MCM9: variants seen among roughly 807,000 people sequenced by gnomAD.
MCM9 encodes minichromosome maintenance 9 homologous recombination repair factor, also known as DNA helicase MCM9.
A neutral mutation model predicts 72.8 loss-of-function variants in MCM9; 55 were observed. The observed-to-expected ratio is 0.76, with a 90% CI of 0.61 to 0.95. The LOEUF (loss-of-function observed/expected upper bound fraction) is 0.95, where lower values mean the gene tolerates loss of function less well. MCM9 is among the 40% of genes least tolerant of loss of function. MCM9 has a pLI of 0.00. For synonymous variants in MCM9, 480 were observed against 503.4 expected, an observed-to-expected ratio of 0.95 and a Z score of 0.62; for missense variants, 1,279 against 1,377.0, an observed-to-expected ratio of 0.93 and a Z score of 1.13.
intron 5 of MCM9, chr6:118,919,464 C>T (rs150884995): frequency 2.0e-5 from 3 of 152,284 alleles, no homozygotes; most frequent in Admixed American, 2.0e-4. Flanking sequence ...AATGCAGTAT[C>T]TAGAAGACGG....
intron 8 of MCM9, among the ~76,000 whole-genome samples, chr6:118,866,524 G>A (rs1777226979): frequency 6.6e-6 from 1 of 152,128 alleles, no homozygotes; most frequent in Non-Finnish European, 1.5e-5. Flanking sequence ...TCATATATCT[G>A]AAGAGTACTA....
intron 3 of MCM9, among the ~76,000 whole-genome samples, chr6:118,925,572 A>G (rs1479801918): frequency 6.6e-6 from 1 of 152,198 alleles, no homozygotes; most frequent in East Asian, 1.9e-4. Context: ...GGTTGGCTGA[A>G]ATTCTCTCTC....
At chr6:118,922,967 G>C (rs1038345221) in intron 4 of MCM9, among the ~76,000 whole-genome samples, 1 of 149,142 alleles carries the variant, frequency 6.7e-6, no homozygotes, top group Non-Finnish European at 1.5e-5. Flanking sequence ...AGGAGGTAGA[G>C]GTTACAGTGA....
intron 8 of MCM9, among the ~76,000 whole-genome samples, chr6:118,864,116 T>C (rs1777071007): frequency 6.6e-6 from 1 of 152,142 alleles, no homozygotes; most frequent in Non-Finnish European, 1.5e-5. Flanking sequence ...GTTATGTGGA[T>C]GAGTTCTTTA....
At chr6:118,856,657 T>G in intron 8 of MCM9, 112 bp from the exon 9 acceptor site, 1 of 1,150,226 alleles carries the variant, frequency 8.7e-7, no homozygotes, top group Non-Finnish European at 1.2e-6. Context: ...GGTGAGAAGA[T>G]TTCTTGAACA....
intron 8 of MCM9, among the ~76,000 whole-genome samples, chr6:118,875,736 G>C (rs1044227092): frequency 1.3e-5 from 2 of 152,146 alleles, no homozygotes; most frequent in African/African-American, 4.8e-5. Context: ...ACAACACCAA[G>C]TGATGGTGAG....
chr6:118,838,657 G>A (rs1481909281), intron 9 of MCM9, among the ~76,000 whole-genome samples: 4 of 152,146 alleles, frequency 2.6e-5, no homozygotes, highest in East Asian at 1.9e-4. Flanking sequence ...TCCTGACCTC[G>A]TGATCCGCCC....
intron 8 of MCM9, chr6:118,911,351 A>G (rs1049841582): frequency 1.8e-6 from 2 of 1,086,358 alleles, no homozygotes; most frequent in Non-Finnish European, 2.2e-6. Context: ...CCAGTTGCTG[A>G]GTCTTGATAA....
At chr6:118,819,494 T>C (rs1009988907) in intron 13 of MCM9, among the ~76,000 whole-genome samples, 3 of 152,138 alleles carry the variant, frequency 2.0e-5, no homozygotes, top group African/African-American at 7.2e-5. Context: ...TGGATAAGCT[T>C]TTTGATGTGC....
intron 9 of MCM9, among the ~76,000 whole-genome samples, chr6:118,848,510 A>G (rs1024763505): frequency 6.6e-6 from 1 of 151,946 alleles, no homozygotes; most frequent in Non-Finnish European, 1.5e-5. Flanking sequence ...TCACAGACAT[A>G]TTGATACAGT....
intron 3 of MCM9, among the ~76,000 whole-genome samples, chr6:118,926,156 T>C (rs1409331364): frequency 6.6e-6 from 1 of 152,184 alleles, no homozygotes; most frequent in Non-Finnish European, 1.5e-5. Flanking sequence ...TTACCTATTC[T>C]GGAAATTTCA....
intron 13 of MCM9, 30 bp downstream of exon 13, chr6:118,826,117 T>A (rs1774151934): frequency 1.3e-6 from 2 of 1,534,588 alleles, no homozygotes; most frequent in Non-Finnish European, 1.8e-6. Context: ...GATTTTCCAT[T>A]GTATGCCTTT....
intron 8 of MCM9, among the ~76,000 whole-genome samples, chr6:118,865,410 T>C (rs29001529): frequency 0.73 from 110,966 of 152,110 alleles, 41,511 homozygotes; most frequent in South Asian, 0.83. Flanking sequence ...CAGAAGATAG[T>C]AGGCATATGT....
chr6:118,866,159 G>A (rs1199310732), intron 8 of MCM9, among the ~76,000 whole-genome samples: 1 of 152,188 alleles, frequency 6.6e-6, no homozygotes, highest in Non-Finnish European at 1.5e-5. Flanking sequence ...AGAGACAACA[G>A]TCTGGATGAA....
chr6:118,855,837 C>G (rs1038754910), intron 9 of MCM9, among the ~76,000 whole-genome samples: 2 of 152,132 alleles, frequency 1.3e-5, no homozygotes, highest in African/African-American at 4.8e-5. Flanking sequence ...TTTTTTTCCT[C>G]CACTTTATGT....
intron 3 of MCM9, among the ~76,000 whole-genome samples, chr6:118,925,981 T>C (rs966371862): frequency 2.0e-5 from 3 of 152,160 alleles, no homozygotes; most frequent in Non-Finnish European, 4.4e-5. Flanking sequence ...AAGTAGACAA[T>C]TCAGTGGTAA....
At position 118,927,704 on chromosome 6, in the gene MCM9, C is replaced by G. The variant is rs373283579; in HGVS notation, c.305-3577G>C. ...TCTTACATAATATAAACTGTATAGA[C>G]AGACACTTGTTATTTTTGGCTTAAA... is the stretch of plus-strand genomic sequence containing the variant. On this transcript the variant is annotated intron_variant, in intron 3 of 13. Coordinates refer to ENST00000619706, the MANE Select transcript of MCM9 (RefSeq NM_017696.3). 3.3e-4 allele frequency among the ~76,000 whole-genome samples: 50 copies of G among 152,018 alleles called. No homozygotes were observed. The East Asian group carries it at 6.6e-3, about 20-fold the overall frequency.
At chr6:118,933,096 T>C (rs967463147) in intron 1 of MCM9, among the ~76,000 whole-genome samples, 3 of 152,064 alleles carry the variant, frequency 2.0e-5, no homozygotes, top group Non-Finnish European at 4.4e-5. Flanking sequence ...CTACCAGTGG[T>C]CAAAAATGCA....
At chr6:118,894,130 C>T in intron 8 of MCM9, 1 of 1,200,642 alleles carries the variant, frequency 8.3e-7, no homozygotes, top group Non-Finnish European at 1.0e-6. Context: ...GCTGCCGAGG[C>T]CCTCGCTGGA....
Sources: allele counts gnomAD v4.1 joint callset (sites outside exome capture counted in the v4.1 genomes callset), GRCh38; gene constraint gnomAD v4.1.1; transcripts MANE v1.5; gene names NCBI Gene and HGNC (gene_info 2026-07-23, HGNC 2026-07-21).